ABI3BP: variants seen among roughly 807,000 people sequenced by gnomAD.
ABI3BP encodes target of Nesh-SH3.
In ABI3BP, 216 loss-of-function variants were observed where a neutral mutation model predicts 268.6. That is an observed-to-expected ratio of 0.80 (90% CI 0.72 to 0.90). The LOEUF (loss-of-function observed/expected upper bound fraction) is 0.90. ABI3BP is among the 40% of genes least tolerant of loss of function. ABI3BP has a pLI of 0.00. For synonymous variants in ABI3BP, 730 were observed against 730.0 expected (o/e 1.00, Z 0.00); for missense variants, 2,090 against 2,182.4 (o/e 0.96, Z 0.84).
At chr3:100,911,185 G>A in intron 2 of ABI3BP, 1 of 395,392 alleles carries the variant, frequency 2.5e-6, no homozygotes, top group Non-Finnish European at 4.8e-6. Context: ...TCTACTAGCT[G>A]GACTAGCTTC....
Position 100,771,445 on chromosome 3 carries a change from T to C in ABI3BP, c.4532-493A>G, listed in dbSNP as rs76056820. Reference sequence around the variant, plus strand: ...GTAAAATTCATAGGAAAATATTACCTATAATAAGGAGAAAAAAATCAATCA... The same window carrying C: ...GTAAAATTCATAGGAAAATATTACCCATAATAAGGAGAAAAAAATCAATCA... On this transcript the variant is annotated intron_variant, in intron 61 of 67. Transcript: ENST00000471714. Among the ~76,000 whole-genome samples, 464 of 151,904 alleles carry C rather than the reference T, an allele frequency of 3.1e-3. 4 individuals carry two copies. Among genetic ancestry groups the C allele is most frequent in the African/African-American group, 0.011 (445 of 41,428 alleles).
intron 54 of ABI3BP, among the ~76,000 whole-genome samples, chr3:100,794,714 T>C (rs2097293704): frequency 6.6e-6 from 1 of 152,030 alleles, no homozygotes; most frequent in Admixed American, 6.6e-5. Context: ...TTAACACATC[T>C]TAGATGTGTT....
At chr3:100,790,227 G>A (rs1444505276) in intron 55 of ABI3BP, among the ~76,000 whole-genome samples, 2 of 151,952 alleles carry the variant, frequency 1.3e-5, no homozygotes, top group African/African-American at 2.4e-5. Flanking sequence ...ACCATTGTAT[G>A]CAGGCAAACT....
intron 15 of ABI3BP, 79 bp downstream of exon 15, chr3:100,851,796 C>T: frequency 1.6e-6 from 2 of 1,268,844 alleles, no homozygotes; most frequent in African/African-American, 1.5e-5. Flanking sequence ...CAATTTTCCA[C>T]TCTGCAAAAA....
chr3:100,924,696 A>G (rs775810822), intron 2 of ABI3BP, among the ~76,000 whole-genome samples: 14 of 152,176 alleles, frequency 9.2e-5, no homozygotes, highest in Non-Finnish European at 1.6e-4. Context: ...ATCAATTTTC[A>G]TCATTGAAAC....
intron 63 of ABI3BP, among the ~76,000 whole-genome samples, chr3:100,764,208 G>T (rs916089782): frequency 2.0e-5 from 3 of 152,108 alleles, no homozygotes; most frequent in African/African-American, 7.2e-5. Flanking sequence ...CTCAGACCAG[G>T]TGTCACCTTC....
intron 9 of ABI3BP, among the ~76,000 whole-genome samples, chr3:100,873,036 C>T (rs1244028267): frequency 3.9e-5 from 6 of 152,228 alleles, no homozygotes. Flanking sequence ...AAGTGCTTTT[C>T]TACCAACTTA....
chr3:100,819,384 G>C (rs1361920140), intron 40 of ABI3BP, among the ~76,000 whole-genome samples: 2 of 151,896 alleles, frequency 1.3e-5, no homozygotes, highest in Non-Finnish European at 2.9e-5. Context: ...TAAGCTTTTA[G>C]ATGTGTATAG....
chr3:100,760,319 T>G (rs2095867331), intron 63 of ABI3BP, among the ~76,000 whole-genome samples: 1 of 151,930 alleles, frequency 6.6e-6, no homozygotes, highest in Non-Finnish European at 1.5e-5. Context: ...AGGAGAGAGG[T>G]GAGTTCATTG....
chr3:100,927,968 T>C (rs1045287355), intron 1 of ABI3BP, among the ~76,000 whole-genome samples: 1 of 150,752 alleles, frequency 6.6e-6, no homozygotes, highest in African/African-American at 2.4e-5. Context: ...TTTTTGTAAG[T>C]TTATCTCAGA....
Position 100,895,065 on chromosome 3 carries a change from A to G in ABI3BP, c.461+3697T>C, listed in dbSNP as rs532770929. ...ATACGCTGGCAAAAGAGTGAGAACT[A>G]AAGCAATCTTGAAATCTTTAACAAG... On this transcript the variant is annotated intron_variant, in intron 4 of 67. Coordinates refer to ENST00000471714, the MANE Select transcript of ABI3BP (RefSeq NM_001375547.2). Among the ~76,000 whole-genome samples the G allele has an allele frequency of 2.0e-5, 3 of 152,050 alleles. No individual in the cohort carries two copies. The South Asian group carries it at 6.2e-4, about 32-fold the overall frequency.
At chr3:100,975,399 T>C (rs897222284) in intron 1 of ABI3BP, among the ~76,000 whole-genome samples, 3 of 152,134 alleles carry the variant, frequency 2.0e-5, no homozygotes, top group Non-Finnish European at 2.9e-5. Flanking sequence ...GTGATCTAGC[T>C]GCCTTGGGGG....
At chr3:100,764,445 C>T (rs2096160969) in intron 63 of ABI3BP, among the ~76,000 whole-genome samples, 1 of 152,124 alleles carries the variant, frequency 6.6e-6, no homozygotes, top group Non-Finnish European at 1.5e-5. Context: ...AAATGCAAAC[C>T]TTTTACAAAC....
intron 20 of ABI3BP, chr3:100,843,702 C>A (rs1009810358): frequency 1.0e-6 from 1 of 983,986 alleles, no homozygotes; most frequent in Non-Finnish European, 1.2e-6. Context: ...ACCTCAGATG[C>A]TATAGGACAA....
chr3:100,815,122 C>T (rs540348304), intron 44 of ABI3BP, among the ~76,000 whole-genome samples: 4 of 152,256 alleles, frequency 2.6e-5, no homozygotes, highest in South Asian at 2.1e-4. Flanking sequence ...CCTATTCATC[C>T]TCCTTTATGT....
Position 100,809,783 on chromosome 3 carries a change from C to T in ABI3BP, c.3607+629G>A, listed in dbSNP as rs549684603. 2.6e-5 allele frequency among the ~76,000 whole-genome samples: 4 copies of T among 152,174 alleles called. No homozygotes were observed. In the East Asian group the frequency reaches 5.8e-4, roughly 22 times the overall value. On this transcript the variant is annotated intron_variant, in intron 49 of 67. Transcript: ENST00000471714. ...CAGCTATTAAGAGGACTTTTTAAAA[C>T]AAGAAGCATATTTAGTTATTCATGT...
chr3:100,871,859 C>G (rs1380339081), intron 9 of ABI3BP, among the ~76,000 whole-genome samples: 3 of 152,130 alleles, frequency 2.0e-5, no homozygotes, highest in Non-Finnish European at 4.4e-5. Context: ...CTTTAAGAGA[C>G]CAGGTCTTGC....
rs967278227 is a variant in ABI3BP at position 100,796,500 on chromosome 3, C to T, written c.3758-32G>A. 6 of 1,532,790 alleles carry T rather than the reference C, an allele frequency of 3.9e-6. No individual in the cohort carries two copies. In the South Asian group the frequency reaches 4.9e-5, roughly 12 times the overall value. 94.9% of individuals were successfully genotyped at this position (1,532,790 alleles called of 1,614,324 possible). ...GAAAAAGATTATAAAACACTGCATACTCTAAATAACCCAACTGGAGTGAGC... is the reference window on the plus strand; with the variant it reads ...GAAAAAGATTATAAAACACTGCATATTCTAAATAACCCAACTGGAGTGAGC... On this transcript the variant is annotated intron_variant, in intron 51 of 67. Transcript: ENST00000471714.
At chr3:100,917,812 A>G (rs1400030685) in intron 2 of ABI3BP, among the ~76,000 whole-genome samples, 1 of 152,188 alleles carries the variant, frequency 6.6e-6, no homozygotes, top group Admixed American at 6.5e-5. Flanking sequence ...GACCATGAAA[A>G]CATTGTAGTT....
Sources: allele counts gnomAD v4.1 joint callset (sites outside exome capture counted in the v4.1 genomes callset), GRCh38; gene constraint gnomAD v4.1.1; transcripts MANE v1.5; gene names NCBI Gene and HGNC (gene_info 2026-07-23, HGNC 2026-07-21).